The following ATF6 variants were observed in gnomAD, a reference collection of about 807,000 sequenced individuals.
ATF6 encodes activating transcription factor 6.
ATF6 carries 53 observed loss-of-function variants against 83.6 expected under a neutral mutation model. The ratio of observed to expected loss-of-function variants is 0.63; its 90% CI spans 0.51 to 0.80. The LOEUF is 0.80. Ranked by LOEUF, ATF6 falls within the 30% of genes least tolerant of loss-of-function variation. ATF6 has a pLI of 0.00. For missense variants in ATF6, 744 were observed against 797.9 expected, an observed-to-expected ratio of 0.93 and a Z score of 0.81; for synonymous variants, 288 against 285.8, an observed-to-expected ratio of 1.01 and a Z score of -0.08.
intron 9 of ATF6, among the ~76,000 whole-genome samples, chr1:161,841,941 T>C (rs1686367542): frequency 1.3e-5 from 2 of 152,330 alleles, no homozygotes; most frequent in South Asian, 4.1e-4. Flanking sequence ...CATTTGCCTG[T>C]TAACAGCCAT....
chr1:161,905,754 A>T (rs1230702599), intron 14 of ATF6, among the ~76,000 whole-genome samples: 2 of 152,190 alleles, frequency 1.3e-5, no homozygotes, highest in African/African-American at 2.4e-5. Flanking sequence ...CCAGTTTTTG[A>T]AAAGGCTCTC....
intron 9 of ATF6, among the ~76,000 whole-genome samples, chr1:161,824,236 T>C (rs1238886500): frequency 6.6e-6 from 1 of 152,142 alleles, no homozygotes; most frequent in East Asian, 1.9e-4. Context: ...TAGCACTTCA[T>C]GGTCTTCACT....
chr1:161,793,683 A>G (rs1481125711), intron 6 of ATF6, among the ~76,000 whole-genome samples: 1 of 152,234 alleles, frequency 6.6e-6, no homozygotes, highest in Non-Finnish European at 1.5e-5. Context: ...TAGCGTATAA[A>G]GCAGGGGTAT....
At chr1:161,880,243 A>T (rs1451509461) in intron 14 of ATF6, among the ~76,000 whole-genome samples, 2 of 152,068 alleles carry the variant, frequency 1.3e-5, no homozygotes, top group Non-Finnish European at 1.5e-5. Flanking sequence ...TAAGGTGAAG[A>T]TTCATTTTTT....
chr1:161,812,837 C>T (rs1217671143), intron 7 of ATF6, among the ~76,000 whole-genome samples: 2 of 149,542 alleles, frequency 1.3e-5, no homozygotes, highest in Non-Finnish European at 3.0e-5. Flanking sequence ...TTCCTGAAAG[C>T]CATATTTGTA....
At chr1:161,878,149 C>CAT (rs1445073020) in intron 14 of ATF6, among the ~76,000 whole-genome samples, 2 of 151,906 alleles carry the variant, frequency 1.3e-5, no homozygotes, top group Admixed American at 6.6e-5. Flanking sequence ...AGTCTTATTC[C>CAT]ATCTCCCAGG....
intron 1 of ATF6, among the ~76,000 whole-genome samples, chr1:161,770,597 A>C (rs1179565149): frequency 6.6e-6 from 1 of 152,148 alleles, no homozygotes; most frequent in African/African-American, 2.4e-5. Flanking sequence ...TAATGACCTC[A>C]TTTAACTTTA....
At chr1:161,781,236 G>T (rs1684629703) in intron 2 of ATF6, among the ~76,000 whole-genome samples, 1 of 152,116 alleles carries the variant, frequency 6.6e-6, no homozygotes, top group East Asian at 1.9e-4. Flanking sequence ...TAAATGAAAA[G>T]AACTTAATGC....
intron 9 of ATF6, among the ~76,000 whole-genome samples, chr1:161,829,165 C>G (rs900967149): frequency 6.8e-6 from 1 of 147,822 alleles, no homozygotes; most frequent in Non-Finnish European, 1.5e-5. Context: ...GAGACTTAGA[C>G]TCCCACACAA....
At chr1:161,835,262 C>T (rs1021286603) in intron 9 of ATF6, among the ~76,000 whole-genome samples, 3 of 152,084 alleles carry the variant, frequency 2.0e-5, no homozygotes, top group Non-Finnish European at 4.4e-5. Flanking sequence ...TATTATGTTG[C>T]TCAGGCTGGT....
At position 161,791,545 on chromosome 1, in the gene ATF6, T is replaced by C. The variant is rs1684882270; in HGVS notation, c.484+8T>C. ...GTCCTAGGAACAAGACTGGTATTAC[T>C]CTATCTCCTAACTTCTGTTATTTCT... On this transcript the variant is annotated splice_region_variant and intron_variant, in intron 5 of 15. Coordinates refer to ENST00000367942, the MANE Select transcript of ATF6 (RefSeq NM_007348.4). 6.3e-7 allele frequency: 1 copy of C among 1,591,970 alleles called. No homozygotes were observed. Among genetic ancestry groups the C allele is most frequent in the Non-Finnish European group, 8.5e-7 (1 of 1,174,816 alleles).
At chr1:161,787,920 T>C (rs1684780752) in intron 4 of ATF6, among the ~76,000 whole-genome samples, 1 of 152,234 alleles carries the variant, frequency 6.6e-6, no homozygotes. Context: ...GCACAGTGTT[T>C]TTAAGATAAA....
chr1:161,770,693 G>T (rs4657103), intron 1 of ATF6, among the ~76,000 whole-genome samples: 136,889 of 152,296 alleles, frequency 0.9, 61,695 homozygotes, highest in African/African-American at 0.96. Flanking sequence ...CACAGTTTAG[G>T]CCATAAATTC....
intron 9 of ATF6, among the ~76,000 whole-genome samples, chr1:161,837,054 A>G (rs1195487023): frequency 6.6e-6 from 1 of 152,196 alleles, no homozygotes; most frequent in African/African-American, 2.4e-5. Flanking sequence ...ATTTTCAACC[A>G]CCATTTTCAG....
chr1:161,940,841 C>A (rs1020105841), intron 15 of ATF6, among the ~76,000 whole-genome samples: 2 of 152,138 alleles, frequency 1.3e-5, no homozygotes, highest in African/African-American at 4.8e-5. Context: ...GGATTACAGG[C>A]GTGAGCCACC....
chr1:161,904,527 G>T (rs754979742), intron 14 of ATF6, among the ~76,000 whole-genome samples: 1 of 152,112 alleles, frequency 6.6e-6, no homozygotes, highest in Non-Finnish European at 1.5e-5. Flanking sequence ...GGCAGAGTTT[G>T]CAGTGAGCTG....
chr1:161,784,438 T>C (rs1684701940), intron 4 of ATF6, among the ~76,000 whole-genome samples: 1 of 152,196 alleles, frequency 6.6e-6, no homozygotes, highest in African/African-American at 2.4e-5. Context: ...TATATGGACA[T>C]AGAAGAATGT....
intron 2 of ATF6, among the ~76,000 whole-genome samples, chr1:161,780,598 C>T (rs1023652791): frequency 6.6e-6 from 1 of 152,174 alleles, no homozygotes; most frequent in African/African-American, 2.4e-5. Context: ...TGGTCTCGAT[C>T]TCCTGACCTC....
intron 14 of ATF6, among the ~76,000 whole-genome samples, chr1:161,901,650 C>T (rs1177923177): frequency 6.6e-6 from 1 of 152,018 alleles, no homozygotes; most frequent in Non-Finnish European, 1.5e-5. Flanking sequence ...AGAAAATCTA[C>T]CCTCATGCAG....
Sources: allele counts gnomAD v4.1 joint callset (sites outside exome capture counted in the v4.1 genomes callset), GRCh38; gene constraint gnomAD v4.1.1; transcripts MANE v1.5; gene names NCBI Gene and HGNC (gene_info 2026-07-23, HGNC 2026-07-21).